PLXDC2: variants seen among roughly 807,000 people sequenced by gnomAD.
The protein encoded by PLXDC2 is plexin domain-containing protein 2.
A neutral mutation model predicts 68.9 loss-of-function variants in PLXDC2; 40 were observed. The observed-to-expected ratio is 0.58, with a 90% CI of 0.45 to 0.76. PLXDC2 has a LOEUF of 0.76. PLXDC2 is among the 30% of genes least tolerant of loss of function. PLXDC2 has a pLI of 0.00. For missense variants in PLXDC2, 644 were observed against 661.9 expected (o/e 0.97, Z 0.30); for synonymous variants, 243 against 234.2 (o/e 1.04, Z -0.34).
chr10:19,941,763 T>G (rs1457402107), intron 1 of PLXDC2, among the ~76,000 whole-genome samples: 1 of 152,210 alleles, frequency 6.6e-6, no homozygotes, highest in Non-Finnish European at 1.5e-5. Flanking sequence ...CTTTTCCTTC[T>G]TTCTCTTTTC....
intron 1 of PLXDC2, among the ~76,000 whole-genome samples, chr10:19,854,195 T>G (rs1837172110): frequency 6.6e-6 from 1 of 152,196 alleles, no homozygotes; most frequent in Non-Finnish European, 1.5e-5. Context: ...GGATGAGGCC[T>G]GGGAGGCAAG....
chr10:19,920,490 G>T (rs1002413106), intron 1 of PLXDC2, among the ~76,000 whole-genome samples: 5 of 152,250 alleles, frequency 3.3e-5, no homozygotes, highest in Non-Finnish European at 5.9e-5. Flanking sequence ...GGAATGCACA[G>T]GCATATGTGG....
intron 1 of PLXDC2, among the ~76,000 whole-genome samples, chr10:19,931,952 A>AGTGTGTGTGTGTGT (rs33953625): frequency 0.11 from 17,174 of 149,556 alleles, 1,047 homozygotes; most frequent in East Asian, 0.21. Flanking sequence ...TAATTTGGGA[A>AGTGTGTGTGTGTGT]GTGTGTGTGT....
chr10:19,859,651 T>G (rs1837283207), intron 1 of PLXDC2, among the ~76,000 whole-genome samples: 1 of 152,204 alleles, frequency 6.6e-6, no homozygotes, highest in Non-Finnish European at 1.5e-5. Context: ...CATTTTAGAA[T>G]TTTAAGGAAT....
At chr10:19,885,594 C>T (rs1169318024) in intron 1 of PLXDC2, among the ~76,000 whole-genome samples, 4 of 151,786 alleles carry the variant, frequency 2.6e-5, no homozygotes, top group Non-Finnish European at 4.4e-5. Context: ...TTCCCAGCAC[C>T]GTTTATTAAA....
rs190379284 is a variant in PLXDC2, at chr10:20,239,847, A to G, written c.1313-5498A>G. ...AGCATACTCAAGCAGTCTTCCCTAG[A>G]GGTGAATGAACTAAACTTCATTTAT... On this transcript the variant is annotated intron_variant, in intron 12 of 13. Transcript: ENST00000377252. Among the ~76,000 whole-genome samples, 7 of 152,296 alleles carry G rather than the reference A, an allele frequency of 4.6e-5. No individual in the cohort carries two copies. In the East Asian group the frequency reaches 1.4e-3, roughly 29 times the overall value.
intron 1 of PLXDC2, among the ~76,000 whole-genome samples, chr10:19,836,269 G>T (rs575195977): frequency 2.0e-5 from 3 of 151,962 alleles, no homozygotes; most frequent in Admixed American, 6.6e-5. Context: ...GTTTTTTGCC[G>T]GCAAAGGAGA....
At chr10:20,265,927 C>T (rs1204989951) in intron 13 of PLXDC2, among the ~76,000 whole-genome samples, 3 of 152,118 alleles carry the variant, frequency 2.0e-5, no homozygotes, top group Non-Finnish European at 4.4e-5. Context: ...ACGGGATATA[C>T]GGTCCCCGGA....
chr10:20,042,388 T>A (rs1342448317), intron 2 of PLXDC2, among the ~76,000 whole-genome samples: 1 of 152,214 alleles, frequency 6.6e-6, no homozygotes, highest in Non-Finnish European at 1.5e-5. Flanking sequence ...ATCACTCTTA[T>A]AAGGATGCAA....
At chr10:20,023,710 C>T (rs1242147502) in intron 2 of PLXDC2, among the ~76,000 whole-genome samples, 2 of 152,028 alleles carry the variant, frequency 1.3e-5, no homozygotes, top group South Asian at 2.1e-4. Context: ...CAGCACAAAA[C>T]AGACTAAGAC....
intron 9 of PLXDC2, among the ~76,000 whole-genome samples, chr10:20,185,140 A>G (rs1834664153): frequency 7.0e-6 from 1 of 143,840 alleles, no homozygotes; most frequent in Non-Finnish European, 1.5e-5. Flanking sequence ...CATTCTGCAC[A>G]TACATCCCAG....
chr10:20,246,050 G>T (rs1835590493), intron 13 of PLXDC2, among the ~76,000 whole-genome samples: 1 of 152,182 alleles, frequency 6.6e-6, no homozygotes. Flanking sequence ...ATGTACACTT[G>T]TACATTTATA....
intron 2 of PLXDC2, among the ~76,000 whole-genome samples, chr10:20,006,311 A>G (rs370765110): frequency 9.3e-4 from 142 of 152,346 alleles, no homozygotes; most frequent in African/African-American, 3.3e-3. Context: ...TGTGCCTGGC[A>G]TTGTTACAAG....
intron 4 of PLXDC2, among the ~76,000 whole-genome samples, chr10:20,099,968 A>G (rs941155306): frequency 1.3e-5 from 2 of 152,208 alleles, no homozygotes; most frequent in Non-Finnish European, 2.9e-5. Context: ...AGAAAAATAA[A>G]ATATTATTTC....
At chr10:20,211,618 C>T (rs768058456) in intron 9 of PLXDC2, 51 bp from the exon 10 acceptor site, 6 of 1,566,764 alleles carry the variant, frequency 3.8e-6, no homozygotes, top group Non-Finnish European at 5.3e-6. Flanking sequence ...CTGTCCACCA[C>T]CCTGCACCCT....
intron 10 of PLXDC2, among the ~76,000 whole-genome samples, chr10:20,215,342 A>G (rs1277273297): frequency 6.6e-6 from 1 of 152,120 alleles, no homozygotes; most frequent in Non-Finnish European, 1.5e-5. Context: ...GGTAAGAGCA[A>G]GATTGTCATA....
At chr10:20,001,648 T>A (rs1834940034) in intron 1 of PLXDC2, 127 bp from the exon 2 acceptor site, 1 of 774,852 alleles carries the variant, frequency 1.3e-6, no homozygotes, top group African/African-American at 1.8e-5. Context: ...GTAAACAGAT[T>A]TAACTGTTAC....
intron 1 of PLXDC2, among the ~76,000 whole-genome samples, chr10:19,858,952 G>C (rs1168673622): frequency 2.6e-5 from 4 of 151,802 alleles, no homozygotes; most frequent in Non-Finnish European, 4.4e-5. Context: ...TCTGATGAAG[G>C]CTTCAGGAAG....
At chr10:19,826,515 G>A (rs1328009013) in intron 1 of PLXDC2, among the ~76,000 whole-genome samples, 1 of 152,110 alleles carries the variant, frequency 6.6e-6, no homozygotes, top group African/African-American at 2.4e-5. Context: ...TTTGAAAACT[G>A]TGGATGCCCT....
Sources: gnomAD v4.1 joint callset for allele counts (sites outside exome capture counted in the v4.1 genomes callset) on GRCh38, gnomAD v4.1.1 for gene constraint, MANE v1.5 for transcripts, NCBI Gene and HGNC (gene_info 2026-07-23, HGNC 2026-07-21) for gene names.